DTL: variants seen among roughly 807,000 people sequenced by gnomAD.
DTL encodes denticleless E3 ubiquitin protein ligase adapter.
In DTL, 46 loss-of-function variants were observed where a neutral mutation model predicts 87.0. The observed-to-expected ratio is 0.53, with a 90% CI of 0.42 to 0.68. DTL has a LOEUF of 0.68. DTL is among the 30% of genes least tolerant of loss of function. The probability of loss-of-function intolerance (pLI) is 0.00; values close to 1 mark genes in which losing one functional copy is unlikely to be tolerated. For missense variants in DTL, 737 were observed against 869.4 expected, an observed-to-expected ratio of 0.85 and a Z score of 1.91; for synonymous variants, 308 against 311.2, an observed-to-expected ratio of 0.99 and a Z score of 0.11.
At chr1:212,091,608 G>A (rs1486755964) in intron 13 of DTL, among the ~76,000 whole-genome samples, 1 of 152,128 alleles carries the variant, frequency 6.6e-6, no homozygotes, top group Non-Finnish European at 1.5e-5. Context: ...ATTCAGCCTT[G>A]AAAAAGAAGA....
At chr1:212,067,734 A>G (rs1248321013) in intron 8 of DTL, among the ~76,000 whole-genome samples, 6 of 152,210 alleles carry the variant, frequency 3.9e-5, no homozygotes, top group South Asian at 2.1e-4. Flanking sequence ...TTACCTTTAT[A>G]CTAGAAGTAG....
At chr1:212,075,358 A>G (rs1654797327) in intron 11 of DTL, among the ~76,000 whole-genome samples, 1 of 152,184 alleles carries the variant, frequency 6.6e-6, no homozygotes, top group South Asian at 2.1e-4. Flanking sequence ...TATGTAAGAG[A>G]GGACAGTCTT....
At chr1:212,044,021 G>A (rs553195454) in intron 2 of DTL, among the ~76,000 whole-genome samples, 13 of 152,016 alleles carry the variant, frequency 8.6e-5, no homozygotes, top group Admixed American at 7.2e-4. Context: ...CCTGGGAGGC[G>A]GAAGTTGCAG....
At chr1:212,060,022 A>C (rs75266401) in intron 5 of DTL, among the ~76,000 whole-genome samples, 1 of 152,158 alleles carries the variant, frequency 6.6e-6, no homozygotes, top group South Asian at 2.1e-4. Context: ...AAAGAAATTG[A>C]AGAGGAGACA....
In DTL at chr1:212,102,849, T is replaced by A. The variant is rs2102591789; in HGVS notation, c.2102T>A (p.Ile701Asn). Reference protein sequence around the residue: ...SGKKLPSPVTITPSSMRKICT... With the variant: ...SGKKLPSPVTNTPSSMRKICT... ...TAAACTTTCTTCTTCTAGGTCACCA[T>A]CACGCCCAGCTCCATGAGGAAAATC... Residue 701 changes from isoleucine (I) to asparagine (N), a missense_variant, in exon 15 of 15, where the codon ATC becomes AAC. Physicochemically the swap from Ile to Asn is moderately radical, Grantham distance 149. Coordinates refer to ENST00000366991, the MANE Select transcript of DTL (RefSeq NM_016448.4). 1 of 1,610,220 alleles carries A rather than the reference T, an allele frequency of 6.2e-7. No individual in the cohort carries two copies. Among genetic ancestry groups the A allele is most frequent in the East Asian group, 2.2e-5 (1 of 44,750 alleles).
At chr1:212,084,094 C>G (rs1655059812) in intron 13 of DTL, among the ~76,000 whole-genome samples, 1 of 152,116 alleles carries the variant, frequency 6.6e-6, no homozygotes, top group African/African-American at 2.4e-5. Context: ...TTATAAGATG[C>G]AGAACTAGAC....
At chr1:212,097,004 T>C (rs187563292) in intron 13 of DTL, among the ~76,000 whole-genome samples, 97 of 152,354 alleles carry the variant, frequency 6.4e-4, no homozygotes, top group Non-Finnish European at 7.5e-4. Flanking sequence ...CTCTAAGATT[T>C]AGAACTCCTT....
chr1:212,077,209 T>C (rs530702921), intron 11 of DTL, among the ~76,000 whole-genome samples: 1 of 152,252 alleles, frequency 6.6e-6, no homozygotes, highest in East Asian at 1.9e-4. Flanking sequence ...GAAACACACA[T>C]GCTAATAATA....
At chr1:212,062,738 T>A in intron 5 of DTL, 146 bp from the exon 6 acceptor site, 1 of 586,040 alleles carries the variant, frequency 1.7e-6, no homozygotes, top group East Asian at 3.0e-5. Context: ...CTATTTGTTA[T>A]TGAGCCATAT....
intron 5 of DTL, among the ~76,000 whole-genome samples, chr1:212,056,252 G>A (rs1169454985): frequency 6.6e-6 from 1 of 152,150 alleles, no homozygotes; most frequent in Non-Finnish European, 1.5e-5. Flanking sequence ...GGGGCCAAAG[G>A]ACACACAGGC....
chr1:212,103,813 T>C lies in DTL; in HGVS notation c.*873T>C, dbSNP rs1441613848. 6.6e-6 allele frequency: 1 copy of C among 152,190 alleles called. No individual in the cohort carries two copies. Among genetic ancestry groups the C allele is most frequent in the Non-Finnish European group, 1.5e-5 (1 of 68,016 alleles). 9.4% of individuals were successfully genotyped at this position (152,190 alleles called of 1,614,324 possible). On this transcript the variant is annotated 3_prime_UTR_variant, in exon 15 of 15. Transcript: ENST00000366991. ...GTCATCAGTTCTTTAGGGGCTGCAA[T>C]GTTTTAAAAAAAATAAGTCATCAGA...
intron 9 of DTL, 28 bp downstream of exon 9, chr1:212,068,355 A>G: frequency 1.5e-6 from 2 of 1,341,348 alleles, no homozygotes; most frequent in South Asian, 1.3e-5. Context: ...CTTTTGGGGG[A>G]GATAAGAGTT....
intron 5 of DTL, among the ~76,000 whole-genome samples, chr1:212,061,255 A>AC (rs1242061403): frequency 6.6e-6 from 1 of 152,110 alleles, no homozygotes; most frequent in African/African-American, 2.4e-5. Flanking sequence ...CTCAAAAAAA[A>AC]AAAAAAAGTA....
chr1:212,088,862 G>A (rs1366941887), intron 13 of DTL, among the ~76,000 whole-genome samples: 3 of 152,214 alleles, frequency 2.0e-5, no homozygotes, highest in East Asian at 1.9e-4. Context: ...CGAGGCAGGC[G>A]CATCACCTGA....
chr1:212,068,499 A>G (rs1654577047), intron 9 of DTL, 100 bp from the exon 10 acceptor site: 1 of 877,880 alleles, frequency 1.1e-6, no homozygotes, highest in Non-Finnish European at 1.8e-6. Flanking sequence ...AAGAATTCTG[A>G]TGATGATTCT....
intron 5 of DTL, among the ~76,000 whole-genome samples, chr1:212,048,149 A>G (rs974866682): frequency 1.3e-5 from 2 of 152,062 alleles, no homozygotes; most frequent in Non-Finnish European, 2.9e-5. Flanking sequence ...TCTACCTAAA[A>G]ATTTATCATG....
chr1:212,042,115 CTTAT>C (rs1667670531), intron 1 of DTL, among the ~76,000 whole-genome samples: 1 of 152,090 alleles, frequency 6.6e-6, no homozygotes. Flanking sequence ...TCCTCCAATG[CTTAT>C]TGAACATTTG....
At chr1:212,040,348 G>C (rs966733542) in intron 1 of DTL, among the ~76,000 whole-genome samples, 1 of 152,196 alleles carries the variant, frequency 6.6e-6, no homozygotes, top group Admixed American at 6.5e-5. Flanking sequence ...GAGTACAGTA[G>C]TACCTCCTTA....
At chr1:212,080,941 G>T (rs1243716101) in intron 13 of DTL, among the ~76,000 whole-genome samples, 191 bp downstream of exon 13, 1 of 152,152 alleles carries the variant, frequency 6.6e-6, no homozygotes, top group Non-Finnish European at 1.5e-5. Context: ...AGGTACTACA[G>T]TGGTGGATTT....
Sources: allele counts gnomAD v4.1 joint callset (sites outside exome capture counted in the v4.1 genomes callset), GRCh38; gene constraint gnomAD v4.1.1; transcripts MANE v1.5; gene names NCBI Gene and HGNC (gene_info 2026-07-23, HGNC 2026-07-21).